The following TDP1 variants were observed in gnomAD, a reference collection of about 807,000 sequenced individuals.
The protein encoded by TDP1 is tyr-DNA phosphodiesterase 1.
Under a neutral mutation model 81.5 loss-of-function variants are expected in TDP1, and 64 were observed. The ratio of observed to expected loss-of-function variants is 0.79; its 90% CI spans 0.64 to 0.97. TDP1 has a LOEUF of 0.97. TDP1 is among the 50% of genes least tolerant of loss of function. TDP1 has a pLI of 0.00. For synonymous variants in TDP1, 256 were observed against 264.3 expected, an observed-to-expected ratio of 0.97 and a Z score of 0.30; for missense variants, 723 against 743.8, an observed-to-expected ratio of 0.97 and a Z score of 0.33.
intron 6 of TDP1, among the ~76,000 whole-genome samples, chr14:89,972,914 AT>A (rs1174720100): frequency 6.6e-6 from 1 of 151,884 alleles, no homozygotes; most frequent in African/African-American, 2.4e-5. Context: ...TCCTTTCTGG[AT>A]TTTTTTTCTC....
At chr14:89,964,259 G>A (rs1180779567) in intron 3 of TDP1, among the ~76,000 whole-genome samples, 1 of 152,196 alleles carries the variant, frequency 6.6e-6, no homozygotes, top group Non-Finnish European at 1.5e-5. Flanking sequence ...TTTCAGTTAT[G>A]GATCAAAAGA....
chr14:89,979,608 A>C (rs1032225574), intron 7 of TDP1, among the ~76,000 whole-genome samples: 9 of 152,118 alleles, frequency 5.9e-5, no homozygotes, highest in African/African-American at 2.2e-4. Flanking sequence ...CGTGCCTGGC[A>C]GCAAAATGTA....
intron 16 of TDP1, among the ~76,000 whole-genome samples, chr14:90,036,782 T>C (rs996307609): frequency 1.3e-5 from 2 of 150,328 alleles, no homozygotes; most frequent in African/African-American, 2.5e-5. Context: ...ATTTTACTAA[T>C]AGTAATTTTA....
At chr14:89,985,061 A>G in intron 9 of TDP1, 71 bp from the exon 10 acceptor site, 1 of 1,379,120 alleles carries the variant, frequency 7.3e-7, no homozygotes, top group South Asian at 1.3e-5. Flanking sequence ...TTTCATGTGT[A>G]TTTTGTCATT....
chr14:89,996,848 G>T (rs1452251596), intron 14 of TDP1, among the ~76,000 whole-genome samples: 2 of 152,188 alleles, frequency 1.3e-5, no homozygotes, highest in African/African-American at 2.4e-5. Flanking sequence ...GTGTCTTTCA[G>T]TCCCCACAAG....
At chr14:90,026,230 T>G (rs1259952268) in intron 15 of TDP1, among the ~76,000 whole-genome samples, 1 of 152,240 alleles carries the variant, frequency 6.6e-6, no homozygotes, top group Non-Finnish European at 1.5e-5. Flanking sequence ...AACCCTCTCT[T>G]TGTCTTCTTC....
At chr14:89,975,399 T>C in intron 6 of TDP1, 3 of 985,322 alleles carry the variant, frequency 3.0e-6, no homozygotes, top group Non-Finnish European at 3.6e-6. Context: ...TTAAATATGC[T>C]CTGAAAACTG....
At chr14:90,022,742 G>GA (rs35438550) in intron 15 of TDP1, 6 of 985,114 alleles carry the variant, frequency 6.1e-6, no homozygotes, top group African/African-American at 3.5e-5. Flanking sequence ...GAAGCTTCTG[G>GA]AAAAAAAGTA....
At chr14:90,017,535 G>T (rs1420871432) in intron 14 of TDP1, among the ~76,000 whole-genome samples, 6 of 152,128 alleles carry the variant, frequency 3.9e-5, no homozygotes, top group Non-Finnish European at 8.8e-5. Flanking sequence ...ACATTACTTT[G>T]GAATAAGCCC....
At chr14:90,026,719 C>T (rs1361274512) in intron 15 of TDP1, among the ~76,000 whole-genome samples, 1 of 151,516 alleles carries the variant, frequency 6.6e-6, no homozygotes, top group Non-Finnish European at 1.5e-5. Context: ...GTTTGGTTTT[C>T]TGTCCTTGCG....
At chr14:89,968,264 G>A (rs58488761) in intron 5 of TDP1, among the ~76,000 whole-genome samples, 5 of 151,520 alleles carry the variant, frequency 3.3e-5, no homozygotes, top group South Asian at 2.1e-4. Context: ...TGTTTCCAGC[G>A]TGACACATTC....
At chr14:90,013,746 A>T (rs568027403) in intron 14 of TDP1, among the ~76,000 whole-genome samples, 1 of 152,328 alleles carries the variant, frequency 6.6e-6, no homozygotes, top group East Asian at 1.9e-4. Context: ...ACACAGTGGG[A>T]GATAATTAAA....
intron 7 of TDP1, among the ~76,000 whole-genome samples, chr14:89,979,042 T>TC (rs1389066237): frequency 6.6e-6 from 1 of 150,726 alleles, no homozygotes; most frequent in African/African-American, 2.5e-5. Context: ...AGTGGTTCAC[T>TC]TTTTTTTGCC....
At position 89,982,724 on chromosome 14, in the gene TDP1, A is replaced by G. The variant is rs73326409; in HGVS notation, c.885-1792A>G. The stretch of plus-strand genomic sequence containing the variant: ...TAGGTAGGAACGGTTCAAAACTCAG[A>G]AAGTACCAAGACTATGAAATCTTCC... On this transcript the variant is annotated intron_variant, in intron 8 of 16. Coordinates refer to ENST00000335725, the MANE Select transcript of TDP1 (RefSeq NM_018319.4). 3.8e-3 allele frequency among the ~76,000 whole-genome samples: 583 copies of G among 152,346 alleles called. 2 individuals are homozygous for G. The highest frequency in any genetic ancestry group is 0.014 in the African/African-American group (563 of 41,576).
chr14:90,012,736 C>T (rs911606827), intron 14 of TDP1, among the ~76,000 whole-genome samples: 1 of 152,060 alleles, frequency 6.6e-6, no homozygotes, highest in Non-Finnish European at 1.5e-5. Context: ...AAGAGGGCCA[C>T]CATCCTCCAG....
At chr14:90,015,625 G>A (rs774295774) in intron 14 of TDP1, among the ~76,000 whole-genome samples, 1 of 152,326 alleles carries the variant, frequency 6.6e-6, no homozygotes, top group East Asian at 1.9e-4. Flanking sequence ...AGCATGGCCA[G>A]GTACCGGTGA....
At chr14:89,975,948 G>A in intron 7 of TDP1, 133 bp downstream of exon 7, 2 of 768,040 alleles carry the variant, frequency 2.6e-6, no homozygotes, top group Non-Finnish European at 4.7e-6. Flanking sequence ...TGAGCCTGGG[G>A]GAGCTATTCT....
intron 14 of TDP1, among the ~76,000 whole-genome samples, chr14:90,009,589 T>C (rs1009766846): frequency 3.3e-5 from 5 of 152,092 alleles, no homozygotes; most frequent in Non-Finnish European, 7.4e-5. Flanking sequence ...GATTGAAGGG[T>C]AAGTGTGGTT....
chr14:90,031,265 C>A (rs1250399707), intron 15 of TDP1, among the ~76,000 whole-genome samples: 10 of 138,246 alleles, frequency 7.2e-5, no homozygotes, highest in Non-Finnish European at 1.4e-4. Flanking sequence ...CCCCTCCCCC[C>A]ACCCCACAAC....
Sources: gnomAD v4.1 joint callset for allele counts (sites outside exome capture counted in the v4.1 genomes callset) on GRCh38, gnomAD v4.1.1 for gene constraint, MANE v1.5 for transcripts, NCBI Gene and HGNC (gene_info 2026-07-23, HGNC 2026-07-21) for gene names.